The following ALPK2 variants were observed in gnomAD, a reference collection of about 807,000 sequenced individuals.
The protein encoded by ALPK2 is alpha kinase 2.
A neutral mutation model predicts 163.1 loss-of-function variants in ALPK2; 127 were observed. The ratio of observed to expected loss-of-function variants is 0.78; its 90% CI spans 0.67 to 0.90. The LOEUF (loss-of-function observed/expected upper bound fraction) is 0.90, where lower values mean the gene tolerates loss of function less well. Ranked by LOEUF, ALPK2 falls within the 40% of genes least tolerant of loss-of-function variation. The pLI is 0.00. For missense variants in ALPK2, 2,360 were observed against 2,589.6 expected, an observed-to-expected ratio of 0.91 and a Z score of 1.92; for synonymous variants, 953 against 959.1, an observed-to-expected ratio of 0.99 and a Z score of 0.12.
In ALPK2 at chr18:58,536,402, G is replaced by A. The variant is rs1304343757; in HGVS notation, c.3785C>T (p.Ser1262Leu). The change falls in exon 5 of 13, where the codon TCA (serine) becomes TTA (leucine). Residue 1262 changes from serine (S) to leucine (L), a missense_variant. Coordinates refer to ENST00000361673, the MANE Select transcript of ALPK2 (RefSeq NM_052947.4). ...GTCAGGAATTATGAGACCACCGTCT[G>A]ATGCCTTGCTCTCAGAATTTGTCAG... ...RQLTNSESKASDGGLIIPDKV... is the reference protein window; with the variant it reads ...RQLTNSESKALDGGLIIPDKV... 1.9e-5 allele frequency: 31 copies of A among 1,614,206 alleles called. No individual in the cohort carries two copies. The highest frequency in any genetic ancestry group is 2.5e-5 in the Non-Finnish European group (29 of 1,180,026).
Position 58,619,734 on chromosome 18 carries a change from G to A in ALPK2, c.-20-7917C>T, listed in dbSNP as rs139816720. On this transcript the variant is annotated intron_variant, in intron 1 of 12. Coordinates refer to ENST00000361673, the MANE Select transcript of ALPK2 (RefSeq NM_052947.4). The stretch of plus-strand genomic sequence containing the variant: ...CTGCACTTTTTGTTTTTTTCTAAAC[G>A]GGAAATGTGTTTCAAAGTTAAACAT... Among the ~76,000 whole-genome samples, 358 of 152,206 alleles carry A rather than the reference G, an allele frequency of 2.4e-3. 2 individuals are homozygous for A. Among genetic ancestry groups the A allele is most frequent in the African/African-American group, 7.6e-3 (315 of 41,516 alleles).
chr18:58,541,687 G>T (rs1386999228), intron 4 of ALPK2, among the ~76,000 whole-genome samples: 1 of 152,216 alleles, frequency 6.6e-6, no homozygotes, highest in Non-Finnish European at 1.5e-5. Flanking sequence ...CTGGCCTGTG[G>T]AAGTTACGTT....
At chr18:58,574,986 G>T (rs62096291) in intron 4 of ALPK2, among the ~76,000 whole-genome samples, 31,190 of 152,052 alleles carry the variant, frequency 0.21, 3,468 homozygotes, top group East Asian at 0.42. Context: ...GGCCGAGGCA[G>T]GTGGATCACC....
At chr18:58,555,460 G>T (rs1338874861) in intron 4 of ALPK2, among the ~76,000 whole-genome samples, 1 of 152,192 alleles carries the variant, frequency 6.6e-6, no homozygotes, top group African/African-American at 2.4e-5. Flanking sequence ...GCAAAGGTAA[G>T]CACTGAGCAA....
At position 58,535,766 on chromosome 18, in the gene ALPK2, C is replaced by T. The variant is rs538499567; in HGVS notation, c.4421G>A (p.Ser1474Asn). 3.1e-6 allele frequency: 5 copies of T among 1,614,248 alleles called. No homozygotes were observed. The South Asian group carries it at 3.3e-5, about 11-fold the overall frequency. Reference sequence around the variant, plus strand: ...AATTTGTTCAGCCTCCTGCTTCATACTGCCTTCTTGGCTTCTGCTGATTCT... The same window carrying T: ...AATTTGTTCAGCCTCCTGCTTCATATTGCCTTCTTGGCTTCTGCTGATTCT... ...ENRISRSQEG[S>N]MKQEAEQIQP... The change falls in exon 5 of 13, where the codon AGT becomes AAT. Residue 1474 changes from serine to asparagine, a missense_variant. Coordinates refer to ENST00000361673, the MANE Select transcript of ALPK2 (RefSeq NM_052947.4).
chr18:58,563,157 T>A (rs557306231), intron 4 of ALPK2, among the ~76,000 whole-genome samples: 1 of 110,770 alleles, frequency 9.0e-6, no homozygotes, highest in South Asian at 2.6e-4. Context: ...TTGGCTCAAT[T>A]TTTTTTACAA....
At chr18:58,548,264 T>C (rs537055878) in intron 4 of ALPK2, among the ~76,000 whole-genome samples, 24 of 152,070 alleles carry the variant, frequency 1.6e-4, no homozygotes, top group African/African-American at 5.1e-4. Flanking sequence ...TTATATCCTA[T>C]ATCTCTTCTC....
rs1297004292 is a variant in ALPK2, at chr18:58,517,090, T to C, written c.5758A>G (p.Thr1920Ala). 10 of 1,614,224 alleles carry C rather than the reference T, an allele frequency of 6.2e-6. No individual in the cohort carries two copies. Among genetic ancestry groups the C allele is most frequent in the Non-Finnish European group, 7.6e-6 (9 of 1,180,034 alleles). Residue 1920 changes from threonine to alanine, a missense_variant, in exon 9 of 13, where the codon ACG becomes GCG. By Grantham distance (58) the Thr-to-Ala change is moderately conservative. Coordinates refer to ENST00000361673, the MANE Select transcript of ALPK2 (RefSeq NM_052947.4). ...FGGRLRGQIA[T>A]EELHFGEGVH... Reference sequence around the variant, plus strand: ...CCTTCTCCAAAGTGCAGCTCCTCCGTGGCGATCTGACCACGCAGGCGGCCC... The same window carrying C: ...CCTTCTCCAAAGTGCAGCTCCTCCGCGGCGATCTGACCACGCAGGCGGCCC...
intron 1 of ALPK2, among the ~76,000 whole-genome samples, chr18:58,619,392 G>A (rs1393933327): frequency 6.6e-6 from 1 of 152,162 alleles, no homozygotes; most frequent in African/African-American, 2.4e-5. Flanking sequence ...CAGATTTGCT[G>A]GAGTGGAATA....
intron 10 of ALPK2, among the ~76,000 whole-genome samples, chr18:58,513,837 C>T (rs1264899938): frequency 6.6e-6 from 1 of 152,074 alleles, no homozygotes; most frequent in Non-Finnish European, 1.5e-5. Flanking sequence ...CACCACTGCC[C>T]TCCAGCCTGG....
rs36090140 is a variant in ALPK2, at chr18:58,603,811, G to GA, written c.227+3510dup. On this transcript the variant is annotated intron_variant, in intron 3 of 12. Transcript: ENST00000361673. Reference sequence around the variant, plus strand: ...CACTCCCCAACTCCTACATCTTTTGGAAAAAAAAAAAATTCTATTTCAAGC... The same window carrying GA: ...CACTCCCCAACTCCTACATCTTTTGGAAAAAAAAAAAAATTCTATTTCAAGC... Among the ~76,000 whole-genome samples, 750 of 145,022 alleles carry GA rather than the reference G, an allele frequency of 5.2e-3. 3 individuals carry two copies. The highest frequency in any genetic ancestry group is 6.6e-3 in the Non-Finnish European group (434 of 65,812).
At chr18:58,570,430 G>T (rs909444613) in intron 4 of ALPK2, among the ~76,000 whole-genome samples, 1 of 152,210 alleles carries the variant, frequency 6.6e-6, no homozygotes, top group Non-Finnish European at 1.5e-5. Context: ...TACTCTGCCT[G>T]TACCACCTGC....
chr18:58,548,736 A>C (rs1278242500), intron 4 of ALPK2, among the ~76,000 whole-genome samples: 6 of 152,192 alleles, frequency 3.9e-5, no homozygotes, highest in Admixed American at 3.9e-4. Flanking sequence ...TCCAAAAAAG[A>C]GACAAAATTT....
At chr18:58,521,667 C>T (rs887248799) in intron 8 of ALPK2, among the ~76,000 whole-genome samples, 2 of 90,530 alleles carry the variant, frequency 2.2e-5, no homozygotes, top group Non-Finnish European at 4.3e-5. Flanking sequence ...CTTGCTGTGT[C>T]GCCAGGCTGG....
At chr18:58,524,278 C>A (rs965997937) in intron 6 of ALPK2, among the ~76,000 whole-genome samples, 8 of 152,202 alleles carry the variant, frequency 5.3e-5, no homozygotes, top group African/African-American at 1.9e-4. Flanking sequence ...CTCCAATAAG[C>A]AGTAGGTTTA....
At chr18:58,519,471 A>C (rs2051538484) in intron 8 of ALPK2, among the ~76,000 whole-genome samples, 1 of 152,200 alleles carries the variant, frequency 6.6e-6, no homozygotes, top group Admixed American at 6.5e-5. Context: ...AAAAGTAAAA[A>C]GCTTGTGCAC....
chr18:58,579,420 G>A lies in ALPK2; in HGVS notation c.1356C>T (p.Pro452=), dbSNP rs752622024. 6.2e-7 allele frequency: 1 copy of A among 1,614,078 alleles called. No homozygotes were observed. Among genetic ancestry groups the A allele is most frequent in the East Asian group, 2.2e-5 (1 of 44,874 alleles). The change falls in exon 4 of 13, where the codon CCC becomes CCT. Residue 452 remains proline (P), a synonymous_variant. Coordinates refer to ENST00000361673, the MANE Select transcript of ALPK2 (RefSeq NM_052947.4). ...SVTEQGRYKL[P]TAPEAAENDY... ...CATTTTCAGCAGCCTCGGGAGCAGT[G>A]GGGAGTTTATATCTCCCCTGTTCTG... is the stretch of plus-strand genomic sequence containing the variant.
chr18:58,529,188 C>T lies in ALPK2; in HGVS notation c.5404G>A (p.Gly1802Arg). ...AATTGGCAGCTTAATTTTACATTTC[C>T]AGAGTGTTCAGGGAACATCTCAGCT... ...IQAEMFPEHS[G>R]NVKLSCQFAE... Residue 1802 changes from glycine (G) to arginine (R), a missense_variant, in exon 6 of 13, where the codon GGA (glycine) becomes AGA (arginine). Physicochemically the swap from Gly to Arg is moderately radical, Grantham distance 125. Transcript: ENST00000361673. The T allele has an allele frequency of 6.2e-7, 1 of 1,613,990 alleles. No homozygotes were observed. The highest frequency in any genetic ancestry group is 8.5e-7 in the Non-Finnish European group (1 of 1,179,924).
In ALPK2 at chr18:58,523,963, C is replaced by A. The variant is rs2051570417; in HGVS notation, c.5601G>T (p.Val1867=). The part of the protein sequence containing the change: ...YCCIKNSYGK[V]TAEFNLTAEV... ...CAGCTGTGAGGTTAAATTCAGCAGT[C>A]ACTTTTCCGTAGCTGTTCTTGATGC... The change falls in exon 7 of 13, where the codon GTG becomes GTT. Residue 1867 remains valine, a synonymous_variant. Coordinates refer to ENST00000361673, the MANE Select transcript of ALPK2 (RefSeq NM_052947.4). 4 of 1,614,030 alleles carry A rather than the reference C, an allele frequency of 2.5e-6. No individual in the cohort carries two copies. In the Admixed American group the frequency reaches 5.0e-5, roughly 20 times the overall value.
Sources: gnomAD v4.1 joint callset for allele counts (sites outside exome capture counted in the v4.1 genomes callset) on GRCh38, gnomAD v4.1.1 for gene constraint, MANE v1.5 for transcripts, NCBI Gene and HGNC (gene_info 2026-07-23, HGNC 2026-07-21) for gene names.